Variants in DCDC1 observed in about 807,000 individuals in gnomAD.
DCDC1 encodes the protein doublecortin domain-containing protein 1.
In DCDC1, 200 loss-of-function variants were observed where a neutral mutation model predicts 178.3. The observed-to-expected ratio is 1.12, with a 90% confidence interval of 1.00 to 1.26. DCDC1 has a LOEUF of 1.26. Among genes scored for constraint, DCDC1 ranks in the 50% most tolerant of loss-of-function variants. The pLI is 0.00. For synonymous variants in DCDC1, 690 were observed against 604.8 expected (o/e 1.14, Z -2.07); for missense variants, 1,983 against 1,749.2 (o/e 1.13, Z -2.38).
At chr11:31,069,552 A>G (rs906219148) in intron 18 of DCDC1, among the ~76,000 whole-genome samples, 4 of 152,200 alleles carry the variant, frequency 2.6e-5, no homozygotes, top group African/African-American at 9.7e-5. Flanking sequence ...GAGAGAAAAC[A>G]ATACCAAATA....
At chr11:31,145,151 T>C (rs577381453) in intron 9 of DCDC1, among the ~76,000 whole-genome samples, 4 of 152,328 alleles carry the variant, frequency 2.6e-5, no homozygotes, top group African/African-American at 9.6e-5. Flanking sequence ...TCTGAGCCCT[T>C]GATGCTCAAT....
rs376844491 is a variant in DCDC1 at position 30,894,199 on chromosome 11, C to G, written c.4902+49G>C. On this transcript the variant is annotated intron_variant, in intron 35 of 38. Transcript: ENST00000684477. Reference sequence around the variant, plus strand: ...AAATTCAATATTGTACTTTTAAATACTCATAAAAAGGGCAGAGTCTTTAAT... The same window carrying G: ...AAATTCAATATTGTACTTTTAAATAGTCATAAAAAGGGCAGAGTCTTTAAT... 3.2e-6 allele frequency: 5 copies of G among 1,578,386 alleles called. No individual in the cohort carries two copies. In the African/African-American group the frequency reaches 6.9e-5, roughly 22 times the overall value.
At chr11:31,367,290 C>T (rs1383034227) in intron 1 of DCDC1, among the ~76,000 whole-genome samples, 1 of 152,228 alleles carries the variant, frequency 6.6e-6, no homozygotes, top group Non-Finnish European at 1.5e-5. Context: ...CAGGGCAAGA[C>T]TCTGTCTCAA....
intron 3 of DCDC1, among the ~76,000 whole-genome samples, chr11:31,310,556 T>C (rs1301559198): frequency 2.6e-5 from 4 of 152,010 alleles, no homozygotes; most frequent in African/African-American, 9.7e-5. Flanking sequence ...CCTGACTTCA[T>C]GATCCTCCCA....
chr11:31,198,817 A>T (rs935976701), intron 9 of DCDC1, among the ~76,000 whole-genome samples: 1 of 151,994 alleles, frequency 6.6e-6, no homozygotes, highest in African/African-American at 2.4e-5. Flanking sequence ...GACCATCCTC[A>T]TTGCTGGAAA....
intron 20 of DCDC1, among the ~76,000 whole-genome samples, chr11:31,003,087 A>AATATATATAT (rs58682579): frequency 2.0e-5 from 3 of 147,188 alleles, no homozygotes; most frequent in African/African-American, 7.4e-5. Context: ...CATATCTTTA[A>AATATATATAT]ATATATATAT....
chr11:31,300,009 C>A (rs1947982824), intron 6 of DCDC1, among the ~76,000 whole-genome samples: 1 of 152,110 alleles, frequency 6.6e-6, no homozygotes, highest in Non-Finnish European at 1.5e-5. Flanking sequence ...AGGCTCGCGC[C>A]ACCATGCCCA....
At chr11:30,953,370 T>G (rs918934884) in intron 20 of DCDC1, among the ~76,000 whole-genome samples, 2 of 150,176 alleles carry the variant, frequency 1.3e-5, no homozygotes, top group Non-Finnish European at 3.0e-5. Flanking sequence ...TCATACCAGA[T>G]GGGGGGGAAA....
chr11:30,933,158 T>C (rs1462608315), intron 21 of DCDC1, among the ~76,000 whole-genome samples: 1 of 152,098 alleles, frequency 6.6e-6, no homozygotes, highest in Non-Finnish European at 1.5e-5. Flanking sequence ...ACTGCTTTGA[T>C]TATAATATAT....
intron 9 of DCDC1, among the ~76,000 whole-genome samples, chr11:31,166,960 G>C (rs1261341433): frequency 6.6e-6 from 1 of 151,994 alleles, no homozygotes; most frequent in African/African-American, 2.4e-5. Context: ...TGATATCCTT[G>C]GTACCCCGAA....
At position 30,891,342 on chromosome 11, in the gene DCDC1, T is replaced by C. The variant is rs566409236; in HGVS notation, c.5082+1476A>G. 3.9e-5 allele frequency among the ~76,000 whole-genome samples: 6 copies of C among 152,292 alleles called. No homozygotes were observed. In the South Asian group the frequency reaches 1.2e-3, roughly 32 times the overall value. On this transcript the variant is annotated intron_variant, in intron 36 of 38. Transcript: ENST00000684477. ...TGGAATAAGAGTCATGAAATGCCTT[T>C]TATATGCTACACCAGAGTCACATAA...
chr11:31,295,781 T>C (rs1028913866), intron 6 of DCDC1, among the ~76,000 whole-genome samples: 1 of 152,200 alleles, frequency 6.6e-6, no homozygotes, highest in Non-Finnish European at 1.5e-5. Flanking sequence ...TCTCAGGTTC[T>C]GCTTCTAGGG....
Position 30,894,281 on chromosome 11 carries a change from T to A in DCDC1, c.4869A>T (p.Glu1623Asp). Reference protein sequence around the residue: ...EGGWTEQTQQEIKLMELIRHT... With the variant: ...EGGWTEQTQQDIKLMELIRHT... ...GTCTTATAAGTTCCATGAGTTTAAT[T>A]TCCTGTTGAGTCTGTTCGGTCCAGC... Residue 1623 changes from glutamate (E) to aspartate (D), a missense_variant, in exon 35 of 39, where the codon GAA becomes GAT. Glu to Asp is a conservative substitution (Grantham distance 45). Transcript: ENST00000684477. 6.2e-7 allele frequency: 1 copy of A among 1,613,848 alleles called. No homozygotes were observed. The highest frequency in any genetic ancestry group is 1.3e-5 in the African/African-American group (1 of 75,034).
intron 20 of DCDC1, among the ~76,000 whole-genome samples, chr11:30,997,766 CAT>C (rs1951349003): frequency 6.6e-6 from 1 of 152,052 alleles, no homozygotes; most frequent in Admixed American, 6.6e-5. Flanking sequence ...TACAATCAAA[CAT>C]ATCAGAATAA....
chr11:30,971,636 G>T (rs1949798977), intron 20 of DCDC1, among the ~76,000 whole-genome samples: 2 of 123,786 alleles, frequency 1.6e-5, no homozygotes, highest in East Asian at 2.4e-4. Flanking sequence ...TTGAGACGGA[G>T]TCTCACTCTG....
chr11:30,946,802 T>A (rs975181790), intron 21 of DCDC1, among the ~76,000 whole-genome samples: 2 of 152,184 alleles, frequency 1.3e-5, no homozygotes, highest in African/African-American at 4.8e-5. Context: ...AAATAAAATA[T>A]TACATACTAG....
intron 20 of DCDC1, among the ~76,000 whole-genome samples, chr11:31,011,763 G>C (rs143430651): frequency 3.0e-3 from 456 of 152,210 alleles, no homozygotes; most frequent in Admixed American, 4.5e-3. Flanking sequence ...GACATGTCAA[G>C]GAATATTCAC....
rs189869274 is a variant in DCDC1 at position 30,934,469 on chromosome 11, C to T, written c.2716-2517G>A. Among the ~76,000 whole-genome samples the T allele has an allele frequency of 2.9e-3, 447 of 152,316 alleles. 3 individuals carry two copies. Among genetic ancestry groups the T allele is most frequent in the Middle Eastern group, 0.017 (5 of 294 alleles). On this transcript the variant is annotated intron_variant, in intron 21 of 38. Coordinates refer to ENST00000684477, the MANE Select transcript of DCDC1 (RefSeq NM_001387274.1). The stretch of plus-strand genomic sequence containing the variant: ...GAGCTGAATAATTGCCATTGCTTGA[C>T]TAACCAGTGACGTTTAGGATATAGG...
At chr11:30,982,849 T>A (rs888498843) in intron 20 of DCDC1, among the ~76,000 whole-genome samples, 11 of 152,172 alleles carry the variant, frequency 7.2e-5, no homozygotes, top group African/African-American at 2.4e-4. Flanking sequence ...TGATTGCTTC[T>A]GGGAGCCATC....
Sources: allele counts gnomAD v4.1 joint callset (sites outside exome capture counted in the v4.1 genomes callset), GRCh38; gene constraint gnomAD v4.1.1; transcripts MANE v1.5; gene names NCBI Gene and HGNC (gene_info 2026-07-23, HGNC 2026-07-21).